Variants in AGBL4 observed in about 807,000 individuals in gnomAD.
AGBL4 encodes the protein cytosolic carboxypeptidase 6.
Under a neutral mutation model 66.4 loss-of-function variants are expected in AGBL4, and 58 were observed. That is an observed-to-expected ratio of 0.87 (90% CI 0.71 to 1.09). The LOEUF (loss-of-function observed/expected upper bound fraction) is 1.09, where lower values mean the gene tolerates loss of function less well. Among genes scored for constraint, AGBL4 ranks in the 50% least tolerant of loss-of-function variants. AGBL4 has a pLI of 0.00. For synonymous variants in AGBL4, 234 were observed against 222.9 expected (o/e 1.05, Z -0.44); for missense variants, 579 against 631.0 (o/e 0.92, Z 0.88).
intron 3 of AGBL4, among the ~76,000 whole-genome samples, chr1:49,496,965 C>A (rs1306031390): frequency 6.6e-6 from 1 of 151,628 alleles, no homozygotes; most frequent in South Asian, 2.1e-4. Context: ...CAATAATGGC[C>A]ATACTATCAT....
intron 1 of AGBL4, among the ~76,000 whole-genome samples, chr1:49,935,673 G>A (rs1277970912): frequency 6.6e-6 from 1 of 152,140 alleles, no homozygotes; most frequent in African/African-American, 2.4e-5. Flanking sequence ...AGCATTCGCG[G>A]TTCATGAAAA....
intron 3 of AGBL4, among the ~76,000 whole-genome samples, chr1:49,669,433 A>G (rs985237955): frequency 1.3e-4 from 20 of 152,278 alleles, no homozygotes; most frequent in African/African-American, 4.6e-4. Flanking sequence ...ATGGCAAAAA[A>G]AGTTCAAATG....
chr1:49,771,205 T>G (rs1644046470), intron 2 of AGBL4, among the ~76,000 whole-genome samples: 1 of 152,160 alleles, frequency 6.6e-6, no homozygotes, highest in South Asian at 2.1e-4. Flanking sequence ...ATATTTCCAT[T>G]CTTGTTTGTC....
At chr1:48,954,463 G>A (rs1657266199) in intron 5 of AGBL4, among the ~76,000 whole-genome samples, 1 of 152,218 alleles carries the variant, frequency 6.6e-6, no homozygotes, top group African/African-American at 2.4e-5. Context: ...CAGAGTCACA[G>A]AGAGCAGAAA....
chr1:48,627,968 C>A lies in AGBL4; in HGVS notation c.951+6525G>T, dbSNP rs1007258941. The stretch of plus-strand genomic sequence containing the variant: ...CTATGGCAGTAAGCACCTACCTGGT[C>A]TCCCTTCTTCCCACGTAGTCTCACC... On this transcript the variant is annotated intron_variant, in intron 9 of 13. Transcript: ENST00000371839. Among the ~76,000 whole-genome samples the A allele has an allele frequency of 4.6e-5, 7 of 152,184 alleles. No homozygotes were observed. The East Asian group carries it at 1.4e-3, about 29-fold the overall frequency.
intron 2 of AGBL4, chr1:49,845,621 C>A: frequency 6.2e-7 from 1 of 1,607,796 alleles, no homozygotes; most frequent in Admixed American, 1.7e-5. Flanking sequence ...CAGATCACAC[C>A]ACTGATTCAG....
intron 5 of AGBL4, among the ~76,000 whole-genome samples, chr1:48,942,320 G>A (rs369505267): frequency 1.8e-4 from 28 of 151,718 alleles, no homozygotes; most frequent in African/African-American, 6.8e-4. Context: ...TGGGGGGGGG[G>A]GGTTGTGGTA....
chr1:50,017,297 T>C (rs1662059533), intron 1 of AGBL4: 1 of 151,608 alleles, frequency 6.6e-6, no homozygotes, highest in Non-Finnish European at 1.5e-5. Flanking sequence ...CACTTCTGAG[T>C]CCCAGAGAGG....
chr1:49,794,662 C>T (rs1037568390), intron 2 of AGBL4, among the ~76,000 whole-genome samples: 1 of 151,844 alleles, frequency 6.6e-6, no homozygotes, highest in African/African-American at 2.4e-5. Flanking sequence ...TTTCTCTCCC[C>T]AACGCCAGTA....
intron 3 of AGBL4, among the ~76,000 whole-genome samples, chr1:49,306,959 A>G (rs1644858964): frequency 6.6e-6 from 1 of 152,158 alleles, no homozygotes; most frequent in African/African-American, 2.4e-5. Flanking sequence ...CACTTGCACT[A>G]GGGCAGGATG....
chr1:49,183,469 C>G lies in AGBL4; in HGVS notation c.377+62301G>C, dbSNP rs146943411. On this transcript the variant is annotated intron_variant, in intron 4 of 13. Coordinates refer to ENST00000371839, the MANE Select transcript of AGBL4 (RefSeq NM_032785.4). ...CAAGGGTCTTGGAATTGCCTCCTAACTGTTCTTCTTGCCTCTCTTTGGCCT... is the reference window on the plus strand; with the variant it reads ...CAAGGGTCTTGGAATTGCCTCCTAAGTGTTCTTCTTGCCTCTCTTTGGCCT... Among the ~76,000 whole-genome samples the G allele has an allele frequency of 1.6e-3, 240 of 152,248 alleles. 4 individuals are homozygous for G. Among genetic ancestry groups the G allele is most frequent in the African/African-American group, 5.6e-3 (233 of 41,546 alleles).
At chr1:48,918,490 A>G (rs1023344700) in intron 5 of AGBL4, among the ~76,000 whole-genome samples, 1 of 152,136 alleles carries the variant, frequency 6.6e-6, no homozygotes, top group Non-Finnish European at 1.5e-5. Context: ...TTGAAATCCT[A>G]ACCTCCAATG....
At chr1:49,500,168 T>C (rs971119443) in intron 3 of AGBL4, among the ~76,000 whole-genome samples, 2 of 152,118 alleles carry the variant, frequency 1.3e-5, no homozygotes, top group South Asian at 4.1e-4. Context: ...GCCATTTGTA[T>C]ATCTTCTTTT....
At chr1:49,185,376 T>C (rs912609589) in intron 4 of AGBL4, among the ~76,000 whole-genome samples, 13 of 152,292 alleles carry the variant, frequency 8.5e-5, no homozygotes, top group Middle Eastern at 3.4e-3. Flanking sequence ...TGAACAGGGA[T>C]CCACAAAACT....
intron 3 of AGBL4, among the ~76,000 whole-genome samples, chr1:49,671,557 A>T (rs1646476716): frequency 1.3e-5 from 2 of 152,224 alleles, no homozygotes; most frequent in South Asian, 4.1e-4. Flanking sequence ...AACCTACAGA[A>T]TGGGAGTAAA....
At chr1:48,741,966 C>CTT (rs769398110) in intron 6 of AGBL4, among the ~76,000 whole-genome samples, 2 of 152,210 alleles carry the variant, frequency 1.3e-5, no homozygotes, top group Non-Finnish European at 2.9e-5. Flanking sequence ...CATCATGTGA[C>CTT]TTTAAGATTT....
At chr1:48,909,883 A>G (rs1418092777) in intron 5 of AGBL4, among the ~76,000 whole-genome samples, 1 of 152,226 alleles carries the variant, frequency 6.6e-6, no homozygotes, top group Non-Finnish European at 1.5e-5. Context: ...TTTCCTATAC[A>G]TAATTTCTAT....
the AGBL4 span, among the ~76,000 whole-genome samples, chr1:48,527,652 A>G: frequency 6.6e-6 from 1 of 152,166 alleles, no homozygotes; most frequent in Admixed American, 6.5e-5. Context: ...CAACCGAGAA[A>G]AGAAAGCAAT....
At chr1:49,493,721 A>G (rs1158757346) in intron 3 of AGBL4, among the ~76,000 whole-genome samples, 1 of 152,014 alleles carries the variant, frequency 6.6e-6, no homozygotes, top group African/African-American at 2.4e-5. Context: ...TGTGCTTCCC[A>G]AATCTTAGTC....
Sources: gnomAD v4.1 joint callset for allele counts (sites outside exome capture counted in the v4.1 genomes callset) on GRCh38, gnomAD v4.1.1 for gene constraint, MANE v1.5 for transcripts, NCBI Gene and HGNC (gene_info 2026-07-23, HGNC 2026-07-21) for gene names.